Variants in KCNMB2 observed in about 807,000 individuals in gnomAD.
The protein encoded by KCNMB2 is potassium calcium-activated channel subfamily M regulatory beta subunit 2, also known as calcium-activated potassium channel subunit beta-2.
In KCNMB2, 9 loss-of-function variants were observed where a neutral mutation model predicts 24.5. That is an observed-to-expected ratio of 0.37 (90% CI 0.22 to 0.64). The LOEUF (loss-of-function observed/expected upper bound fraction) is 0.64. KCNMB2 is among the 30% of genes least tolerant of loss of function. The pLI is 0.63. For missense variants in KCNMB2, 226 were observed against 284.3 expected (o/e 0.79, Z 1.47); for synonymous variants, 109 against 104.4 (o/e 1.04, Z -0.27).
At chr3:178,787,893 G>GTT (rs1429130818) in intron 1 of KCNMB2, among the ~76,000 whole-genome samples, 1 of 152,168 alleles carries the variant, frequency 6.6e-6, no homozygotes, top group Admixed American at 6.5e-5. Context: ...CCAATGAACA[G>GTT]TTATGTGAAC....
chr3:178,826,486 T>A (rs915657289), intron 3 of KCNMB2, among the ~76,000 whole-genome samples: 2 of 152,148 alleles, frequency 1.3e-5, no homozygotes, highest in African/African-American at 4.8e-5. Flanking sequence ...GGGAGGCAAA[T>A]AAATTGTGGG....
chr3:178,806,354 T>C (rs1193352564), intron 1 of KCNMB2, among the ~76,000 whole-genome samples: 2 of 152,186 alleles, frequency 1.3e-5, no homozygotes, highest in Non-Finnish European at 2.9e-5. Context: ...GAAATACGTA[T>C]GTGCATAAAT....
intron 1 of KCNMB2, among the ~76,000 whole-genome samples, chr3:178,600,549 T>A (rs1718042240): frequency 6.6e-6 from 1 of 152,204 alleles, no homozygotes; most frequent in Non-Finnish European, 1.5e-5. Flanking sequence ...AGCAGCTTTA[T>A]CTATTTTATA....
At chr3:178,542,586 T>G (rs1715655978) in intron 1 of KCNMB2, among the ~76,000 whole-genome samples, 1 of 152,214 alleles carries the variant, frequency 6.6e-6, no homozygotes, top group Non-Finnish European at 1.5e-5. Flanking sequence ...ATAAATAGAA[T>G]GTTAGATTAA....
chr3:178,542,268 T>C (rs1715644884), intron 1 of KCNMB2, among the ~76,000 whole-genome samples: 1 of 152,184 alleles, frequency 6.6e-6, no homozygotes, highest in Non-Finnish European at 1.5e-5. Context: ...TCTTAAACCT[T>C]ACTGAGCCTC....
chr3:178,603,658 T>C (rs1903812), intron 1 of KCNMB2, among the ~76,000 whole-genome samples: 101,747 of 151,778 alleles, frequency 0.67, 34,948 homozygotes, highest in African/African-American at 0.82. Context: ...TTCAGGAACA[T>C]GGGAGAGTTG....
At position 178,612,632 on chromosome 3, in the gene KCNMB2, T is replaced by C. The variant is rs541962407; in HGVS notation, c.-68+75921T>C. Among the ~76,000 whole-genome samples, 6 of 152,208 alleles carry C rather than the reference T, an allele frequency of 3.9e-5. No individual in the cohort carries two copies. In the South Asian group the frequency reaches 8.3e-4, roughly 21 times the overall value. ...TATTTTCAGTCTATGTTTGTCTTCATAGATGTAGTATTTCCTGTAGGCAGT... is the reference window on the plus strand; with the variant it reads ...TATTTTCAGTCTATGTTTGTCTTCACAGATGTAGTATTTCCTGTAGGCAGT... On this transcript the variant is annotated intron_variant, in intron 1 of 4. Transcript: ENST00000452583.
At chr3:178,736,843 C>T (rs1723334028) in intron 1 of KCNMB2, among the ~76,000 whole-genome samples, 1 of 152,172 alleles carries the variant, frequency 6.6e-6, no homozygotes, top group African/African-American at 2.4e-5. Flanking sequence ...TGAAATGTCC[C>T]TGGTCAGGTA....
chr3:178,601,215 G>A lies in KCNMB2; in HGVS notation c.-68+64504G>A, dbSNP rs796528738. ...GTCAGGGGGTTGGGGGGGAAGGGGA[G>A]GGATAGCATTAGGACAAATACCTAA... On this transcript the variant is annotated intron_variant, in intron 1 of 4. Transcript: ENST00000452583. Among the ~76,000 whole-genome samples the A allele has an allele frequency of 1.2e-3, 180 of 152,046 alleles. 1 individual carries two copies. Among genetic ancestry groups the A allele is most frequent in the African/African-American group, 4.1e-3 (168 of 41,446 alleles).
chr3:178,723,470 C>T (rs1481001576), intron 1 of KCNMB2, among the ~76,000 whole-genome samples: 1 of 152,128 alleles, frequency 6.6e-6, no homozygotes, highest in Non-Finnish European at 1.5e-5. Context: ...TGGAGATTTT[C>T]CCCAATATCT....
intron 1 of KCNMB2, among the ~76,000 whole-genome samples, chr3:178,683,801 A>G (rs576766386): frequency 6.6e-6 from 1 of 152,230 alleles, no homozygotes; most frequent in Non-Finnish European, 1.5e-5. Flanking sequence ...TCAAAAAGTC[A>G]AAAGGTAAAT....
At chr3:178,595,346 TG>T (rs1717830308) in intron 1 of KCNMB2, among the ~76,000 whole-genome samples, 1 of 152,086 alleles carries the variant, frequency 6.6e-6, no homozygotes, top group Non-Finnish European at 1.5e-5. Flanking sequence ...CATCATGGTT[TG>T]AATCCTGGTA....
At chr3:178,842,439 A>G (rs1181856774) in intron 4 of KCNMB2, among the ~76,000 whole-genome samples, 1 of 152,222 alleles carries the variant, frequency 6.6e-6, no homozygotes, top group African/African-American at 2.4e-5. Context: ...TATATGGGTG[A>G]GCAATCAAGG....
intron 1 of KCNMB2, among the ~76,000 whole-genome samples, chr3:178,743,617 T>C (rs565437474): frequency 1.8e-4 from 27 of 152,320 alleles, no homozygotes; most frequent in Non-Finnish European, 3.7e-4. Context: ...TTCCAATCTC[T>C]GCGTCGTGTT....
intron 1 of KCNMB2, among the ~76,000 whole-genome samples, chr3:178,612,265 C>A (rs1262571620): frequency 6.6e-6 from 1 of 152,088 alleles, no homozygotes; most frequent in African/African-American, 2.4e-5. Flanking sequence ...CTATTAGATC[C>A]ATTTGGTCTA....
chr3:178,702,102 A>AT (rs1298800547), intron 1 of KCNMB2, among the ~76,000 whole-genome samples: 1 of 152,098 alleles, frequency 6.6e-6, no homozygotes, highest in African/African-American at 2.4e-5. Flanking sequence ...CTATGCAGCC[A>AT]TAAAAAATGA....
intron 1 of KCNMB2, among the ~76,000 whole-genome samples, chr3:178,745,322 C>T (rs563001445): frequency 2.0e-5 from 3 of 152,088 alleles, no homozygotes; most frequent in South Asian, 2.1e-4. Flanking sequence ...AGAGAGAACT[C>T]GTATAGGAGA....
Position 178,825,606 on chromosome 3 carries a change from C to A in KCNMB2, c.75C>A (p.Ile25=). The change falls in exon 3 of 5, where the codon ATC becomes ATA. Residue 25 remains isoleucine (I), a synonymous_variant. Transcript: ENST00000452583. ...ACCTCAGAAATATTTACCAGAAAAT[C>A]AGGGACCATGACCTCCTGGACAAAA... The part of the protein sequence containing the change: ...HDEKRNIYQK[I]RDHDLLDKRK... 1 of 1,612,794 alleles carries A rather than the reference C, an allele frequency of 6.2e-7. No individual in the cohort carries two copies. The highest frequency in any genetic ancestry group is 1.1e-5 in the South Asian group (1 of 90,966).
At chr3:178,729,850 T>A (rs1024717849) in intron 1 of KCNMB2, among the ~76,000 whole-genome samples, 1 of 152,182 alleles carries the variant, frequency 6.6e-6, no homozygotes, top group Non-Finnish European at 1.5e-5. Context: ...TGGGCTAGAT[T>A]ATGCTGCAGT....
Sources: allele counts gnomAD v4.1 joint callset (sites outside exome capture counted in the v4.1 genomes callset), GRCh38; gene constraint gnomAD v4.1.1; transcripts MANE v1.5; gene names NCBI Gene and HGNC (gene_info 2026-07-23, HGNC 2026-07-21).